Variants in TMEM117 observed in about 807,000 individuals in gnomAD.
TMEM117 encodes transmembrane protein 117.
In TMEM117, 27 loss-of-function variants were observed where a neutral mutation model predicts 52.4. That is an observed-to-expected ratio of 0.51 (90% confidence interval 0.38 to 0.71). The LOEUF is 0.71. Ranked by LOEUF, TMEM117 falls within the 30% of genes least tolerant of loss-of-function variation. The pLI is 0.00. For synonymous variants in TMEM117, 215 were observed against 206.3 expected, an observed-to-expected ratio of 1.04 and a Z score of -0.36; for missense variants, 556 against 630.5, an observed-to-expected ratio of 0.88 and a Z score of 1.26.
At chr12:43,943,176 CAAAAAAAAA>C (rs10667663) in intron 2 of TMEM117, among the ~76,000 whole-genome samples, 1 of 72,228 alleles carries the variant, frequency 1.4e-5, no homozygotes, top group Non-Finnish European at 2.4e-5. Context: ...GACTCTGTCT[CAAAAAAAAA>C]AAAAAAAAAA....
Position 43,946,296 on chromosome 12 carries a change from T to A in TMEM117, c.410+1954T>A, listed in dbSNP as rs1945130021. On this transcript the variant is annotated intron_variant, in intron 3 of 7. Coordinates refer to ENST00000266534, the MANE Select transcript of TMEM117 (RefSeq NM_032256.3). ...AGGAACCTCTGTGAAAACTACATTT[T>A]AAAAGCAATTGCTGGAAATAATACA... Among the ~76,000 whole-genome samples, 3 of 151,880 alleles carry A rather than the reference T, an allele frequency of 2.0e-5. No individual in the cohort carries two copies. In the South Asian group the frequency reaches 6.2e-4, roughly 32 times the overall value.
rs567951525 is a variant in TMEM117 at position 44,290,448 on chromosome 12, CA to C, written c.609-9131del. Among the ~76,000 whole-genome samples the C allele has an allele frequency of 9.1e-4, 138 of 152,208 alleles. 2 individuals carry two copies. In the Middle Eastern group the frequency reaches 0.014, roughly 15 times the overall value. On this transcript the variant is annotated intron_variant, in intron 5 of 7. Transcript: ENST00000266534. ...CTTTTGTATGTGGATATTCATTTAT[CA>C]CAATGCCATTCTCTTTGTATTCTTA...
chr12:44,282,303 G>C (rs1950587535), intron 5 of TMEM117, among the ~76,000 whole-genome samples: 1 of 152,156 alleles, frequency 6.6e-6, no homozygotes, highest in Non-Finnish European at 1.5e-5. Context: ...CAAAAATGTG[G>C]AAATGACTTT....
At chr12:44,369,745 T>C (rs1184550328) in intron 6 of TMEM117, among the ~76,000 whole-genome samples, 1 of 152,208 alleles carries the variant, frequency 6.6e-6, no homozygotes, top group East Asian at 1.9e-4. Flanking sequence ...ATGCCATCTT[T>C]ACTACTTGTT....
chr12:44,148,578 A>T lies in TMEM117; in HGVS notation c.510+4954A>T, dbSNP rs143305932. ...GACAATTTTTGCTGTCTTATTTTTC[A>T]TACACTTTGTATTTTTTCAGAGAGA... On this transcript the variant is annotated intron_variant, in intron 4 of 7. Coordinates refer to ENST00000266534, the MANE Select transcript of TMEM117 (RefSeq NM_032256.3). 2.3e-3 allele frequency among the ~76,000 whole-genome samples: 355 copies of T among 152,186 alleles called. 12 individuals carry two copies. The East Asian group carries it at 0.035, about 15-fold the overall frequency.
At position 44,152,095 on chromosome 12, in the gene TMEM117, AAATATAT is replaced by A. The variant is rs1205488463; in HGVS notation, c.510+8485_510+8491del. Among the ~76,000 whole-genome samples, 380 of 113,632 alleles carry A rather than the reference AAATATAT, an allele frequency of 3.3e-3. 3 individuals are homozygous for A. Among genetic ancestry groups the A allele is most frequent in the African/African-American group, 0.013 (366 of 27,638 alleles). The allele number at this position is 113,632 out of a possible 152,430, so 74.5% of individuals were successfully genotyped here. On this transcript the variant is annotated intron_variant, in intron 4 of 7. Transcript: ENST00000266534. The stretch of plus-strand genomic sequence containing the variant: ...TAATATATATTTATATTATAAACAT[AAATATAT>A]AATATATAATATAAATGTATATTAT...
At chr12:44,291,419 T>A (rs1040972433) in intron 5 of TMEM117, among the ~76,000 whole-genome samples, 7 of 146,076 alleles carry the variant, frequency 4.8e-5, no homozygotes, top group African/African-American at 1.5e-4. Flanking sequence ...TAGGGTTTCC[T>A]GTATGTAAGA....
At chr12:44,143,431 A>G in intron 3 of TMEM117, 94 bp from the exon 4 acceptor site, 2 of 835,558 alleles carry the variant, frequency 2.4e-6, no homozygotes, top group Non-Finnish European at 3.7e-6. Context: ...CTTGCTGAGA[A>G]TGGGAGAAGT....
At chr12:43,904,941 C>T (rs902847242) in intron 2 of TMEM117, among the ~76,000 whole-genome samples, 1 of 152,070 alleles carries the variant, frequency 6.6e-6, no homozygotes, top group Non-Finnish European at 1.5e-5. Flanking sequence ...GTCGGGAGTT[C>T]GAGACCAGCC....
intron 5 of TMEM117, among the ~76,000 whole-genome samples, chr12:44,284,266 C>T (rs1304577840): frequency 6.6e-6 from 1 of 151,976 alleles, no homozygotes; most frequent in Non-Finnish European, 1.5e-5. Flanking sequence ...GAGCCGAGAT[C>T]ATGCCACTGC....
chr12:44,023,069 A>T (rs987672906), intron 3 of TMEM117, among the ~76,000 whole-genome samples: 4 of 152,222 alleles, frequency 2.6e-5, no homozygotes, highest in African/African-American at 9.6e-5. Context: ...CTGCCCTTGC[A>T]TGAAAACAAG....
At chr12:44,208,157 T>C (rs537918485) in intron 4 of TMEM117, among the ~76,000 whole-genome samples, 1 of 152,300 alleles carries the variant, frequency 6.6e-6, no homozygotes, top group South Asian at 2.1e-4. Flanking sequence ...AATTGTTTTT[T>C]ACAATCATTT....
At chr12:44,173,277 A>T (rs1167241274) in intron 4 of TMEM117, among the ~76,000 whole-genome samples, 1 of 152,014 alleles carries the variant, frequency 6.6e-6, no homozygotes, top group Admixed American at 6.5e-5. Flanking sequence ...AGGTTTTATC[A>T]TGTTTCCCAG....
chr12:44,028,057 G>A (rs368830135), intron 3 of TMEM117, among the ~76,000 whole-genome samples: 1 of 152,168 alleles, frequency 6.6e-6, no homozygotes, highest in African/African-American at 2.4e-5. Flanking sequence ...GCTGGGCATG[G>A]TGATGGGCAC....
At chr12:43,944,419 G>C (rs911384808) in intron 3 of TMEM117, 77 bp downstream of exon 3, 15 of 1,362,226 alleles carry the variant, frequency 1.1e-5, no homozygotes, top group Admixed American at 2.2e-5. Flanking sequence ...TTTTTAGCTT[G>C]TAGTAGTCTA....
intron 1 of TMEM117, among the ~76,000 whole-genome samples, chr12:43,840,018 C>CATCT (rs1943092542): frequency 6.6e-6 from 1 of 152,204 alleles, no homozygotes; most frequent in Non-Finnish European, 1.5e-5. Context: ...ACTAGTGATA[C>CATCT]ATCTCTACAT....
chr12:44,114,667 C>A (rs1417635479), intron 3 of TMEM117, among the ~76,000 whole-genome samples: 3 of 152,158 alleles, frequency 2.0e-5, no homozygotes, highest in African/African-American at 4.8e-5. Flanking sequence ...TTACCACCAA[C>A]CTCCATCAAG....
chr12:44,024,761 C>T (rs149885688), intron 3 of TMEM117, among the ~76,000 whole-genome samples: 78 of 151,882 alleles, frequency 5.1e-4, no homozygotes, highest in African/African-American at 1.7e-3. Context: ...ATTATTTTAA[C>T]GATTAGTCAG....
At chr12:43,915,646 C>T (rs908737673) in intron 2 of TMEM117, among the ~76,000 whole-genome samples, 1 of 151,704 alleles carries the variant, frequency 6.6e-6, no homozygotes, top group Non-Finnish European at 1.5e-5. Flanking sequence ...TAAAGGCCTG[C>T]TCAGGCGAGA....
Sources: allele counts gnomAD v4.1 joint callset (sites outside exome capture counted in the v4.1 genomes callset), GRCh38; gene constraint gnomAD v4.1.1; transcripts MANE v1.5; gene names NCBI Gene and HGNC (gene_info 2026-07-23, HGNC 2026-07-21).